The following FLG variants were observed in gnomAD, a reference collection of about 807,000 sequenced individuals.
FLG encodes the protein epidermal filaggrin.
FLG carries 6 observed loss-of-function variants against 3.8 expected under a neutral mutation model. The observed-to-expected ratio is 1.60, with a 90% CI of 0.87 to 3.15. The LOEUF is 3.15. Ranked by LOEUF, FLG falls within the 30% of genes most tolerant of loss-of-function variation. FLG has a pLI of 0.00. For missense variants in FLG, 7,595 were observed against 5,050.9 expected, an observed-to-expected ratio of 1.50 and a Z score of -15.27; for synonymous variants, 2,551 against 1,931.6, an observed-to-expected ratio of 1.32 and a Z score of -8.41.
chr1:152,321,484 T>C (rs1302020809), intron 1 of FLG, among the ~76,000 whole-genome samples: 2 of 151,040 alleles, frequency 1.3e-5, no homozygotes, highest in African/African-American at 4.8e-5. Context: ...AAGGGGACAT[T>C]GCTATCGAGG....
intron 2 of FLG, chr1:152,314,969 T>C: frequency 1.8e-6 from 1 of 541,132 alleles, no homozygotes; most frequent in South Asian, 2.7e-5. Context: ...TAAGTGACTC[T>C]TTTTCTTATT....
At position 152,303,211 on chromosome 1, in the gene FLG, C is replaced by G. The variant is rs372348813; in HGVS notation, c.11675G>C (p.Arg3892Pro). 1 of 1,613,838 alleles carries G rather than the reference C, an allele frequency of 6.2e-7. No homozygotes were observed. Among genetic ancestry groups the G allele is most frequent in the East Asian group, 2.2e-5 (1 of 44,882 alleles). The change falls in exon 3 of 3, where the codon CGG becomes CCG. Residue 3892 changes from arginine to proline, a missense_variant. By Grantham distance (103) the Arg-to-Pro change is moderately radical. Coordinates refer to ENST00000368799, the MANE Select transcript of FLG (RefSeq NM_002016.2). ...SASRNHHGSS[R>P]EQSRDGSRHP... ...TCTGGAGCCATCTCTTGACTGCTCC[C>G]GAGAAGATCCATGATGGTTTCTGGA...
intron 2 of FLG, 192 bp from the exon 3 acceptor site, chr1:152,314,939 G>T (rs908634502): frequency 8.1e-6 from 5 of 618,864 alleles, no homozygotes; most frequent in Middle Eastern, 4.3e-4. Flanking sequence ...AGACTAGTAA[G>T]GTATCAAGAT....
Position 152,310,699 on chromosome 1 carries a change from G to C in FLG, c.4187C>G (p.Thr1396Ser), listed in dbSNP as rs565407815. The change falls in exon 3 of 3, where the codon ACT becomes AGT. Residue 1396 changes from threonine (T) to serine (S), a missense_variant. Transcript: ENST00000368799. ...GHRGSSGSQV[T>S]NSEGHSEDSD... is the part of the protein sequence containing the mutation. ...GTCTTCTGAATGTCCCTCACTGTTA[G>C]TGACCTGACTACCACTGGACCCTCG... The C allele has an allele frequency of 4.5e-5, 73 of 1,613,662 alleles. 4 individuals carry two copies. The Admixed American group carries it at 9.5e-4, about 21-fold the overall frequency.
rs763935368 is a variant in FLG, at chr1:152,312,500, G to C, written c.2386C>G (p.Gln796Glu). The C allele has an allele frequency of 5.0e-6, 8 of 1,613,352 alleles. No homozygotes were observed. The highest frequency in any genetic ancestry group is 1.7e-5 in the Admixed American group (1 of 59,984). ...TCAGACTGTTTATGAGTGCTCACCT[G>C]GTAGAGGAAAGACCCTGAACGTCGA... is the stretch of plus-strand genomic sequence containing the variant. ...RSRRSGSFLY[Q>E]VSTHKQSESS... The change falls in exon 3 of 3, where the codon CAG becomes GAG. Residue 796 changes from glutamine (Q) to glutamate (E), a missense_variant. Transcript: ENST00000368799.
chr1:152,304,348 G>A lies in FLG; in HGVS notation c.10538C>T (p.Ala3513Val), dbSNP rs143278829. 7.7e-5 allele frequency: 124 copies of A among 1,611,798 alleles called. 1 individual carries two copies. The highest frequency in any genetic ancestry group is 6.6e-4 in the Middle Eastern group (4 of 6,052). Residue 3513 changes from alanine (A) to valine (V), a missense_variant, in exon 3 of 3, where the codon GCG becomes GTG. Coordinates refer to ENST00000368799, the MANE Select transcript of FLG (RefSeq NM_002016.2). Reference sequence around the variant, plus strand: ...GGACTGTGAGTGTCTAGAGCTGTCCGCCTGAGTGGAAGCTTCATGGTGATG... The same window carrying A: ...GGACTGTGAGTGTCTAGAGCTGTCCACCTGAGTGGAAGCTTCATGGTGATG... ...WSHHHEASTQ[A>V]DSSRHSQSGQ...
rs1557869319 is a variant in FLG, at chr1:152,302,829, CGCACTT to C, written c.12051_12056del (p.Ser4018_Ala4019del). ...AATACCTTGGATGATCTTTACCAAA[CGCACTT>C]GCTTTACAGATATCAGATCTTTCCT... On this transcript the variant is annotated inframe_deletion, in exon 3 of 3. Coordinates refer to ENST00000368799, the MANE Select transcript of FLG (RefSeq NM_002016.2). The C allele has an allele frequency of 6.2e-7, 1 of 1,614,154 alleles. No homozygotes were observed. Among genetic ancestry groups the C allele is most frequent in the Non-Finnish European group, 8.5e-7 (1 of 1,180,006 alleles).
Position 152,308,992 on chromosome 1 carries a change from G to T in FLG, c.5894C>A (p.Ala1965Asp), listed in dbSNP as rs750145438. Reference protein sequence around the residue: ...RHPGSHHEDRAGHGHSADSSR... With the variant: ...RHPGSHHEDRDGHGHSADSSR... Reference sequence around the variant, plus strand: ...GCTGTCTGCAGAGTGCCCGTGACCGGCTCTGTCTTCGTGATGGGACCCAGG... The same window carrying T: ...GCTGTCTGCAGAGTGCCCGTGACCGTCTCTGTCTTCGTGATGGGACCCAGG... Residue 1965 changes from alanine (A) to aspartate (D), a missense_variant, in exon 3 of 3, where the codon GCC (alanine) becomes GAC (aspartate). By Grantham distance (126) the Ala-to-Asp change is moderately radical. Coordinates refer to ENST00000368799, the MANE Select transcript of FLG (RefSeq NM_002016.2). The T allele has an allele frequency of 1.9e-6, 3 of 1,614,146 alleles. No individual in the cohort carries two copies. The highest frequency in any genetic ancestry group is 1.7e-5 in the Admixed American group (1 of 60,026).
rs760904028 is a variant in FLG at position 152,309,410 on chromosome 1, C to A, written c.5476G>T (p.Gly1826Ter). The A allele has an allele frequency of 4.3e-6, 7 of 1,613,590 alleles. No homozygotes were observed. The highest frequency in any genetic ancestry group is 5.1e-6 in the Non-Finnish European group (6 of 1,179,980). ...TCTACCGATTGCTCATAGTGGGATCCCTGCCTTCCTCCTCTGCTTGACCCT... is the reference window on the plus strand; with the variant it reads ...TCTACCGATTGCTCATAGTGGGATCACTGCCTTCCTCCTCTGCTTGACCCT... ...HPGSSRGGRQ[G>*]SHYEQSVDSS... is the part of the protein sequence containing the mutation. Residue 1826 changes from glycine to a stop codon, truncating the protein, a stop_gained, in exon 3 of 3, where the codon GGA (glycine) becomes TGA (stop). Coordinates refer to ENST00000368799, the MANE Select transcript of FLG (RefSeq NM_002016.2). LOFTEE classifies it low-confidence loss of function (END_TRUNC).
chr1:152,304,080 A>G lies in FLG; in HGVS notation c.10806T>C (p.His3602=), dbSNP rs754069578. The G allele has an allele frequency of 1.7e-5, 27 of 1,611,710 alleles. No homozygotes were observed. Among genetic ancestry groups the G allele is most frequent in the Middle Eastern group, 1.6e-4 (1 of 6,080 alleles). ...CCTGTCCACCAGAGGAATTCTCTGC[A>G]TGATGAGTGCCTGATTGTCTGGAGC... ...AESSRQSGTH[H]AENSSGGQAA... Residue 3602 remains histidine (H), a synonymous_variant, in exon 3 of 3, where the codon CAT becomes CAC. Transcript: ENST00000368799.
chr1:152,312,191 C>T lies in FLG; in HGVS notation c.2695G>A (p.Glu899Lys), dbSNP rs752324081. The change falls in exon 3 of 3, where the codon GAG becomes AAG. Residue 899 changes from glutamate (E) to lysine (K), a missense_variant. By Grantham distance (56) the Glu-to-Lys change is moderately conservative. Coordinates refer to ENST00000368799, the MANE Select transcript of FLG (RefSeq NM_002016.2). ...CTGGAGCCGTCTCTTGATTGTTCCT[C>T]ATTACGTGTTGTTCTGCTTGCACTT... ...SRSASRTTRNEEQSRDGSRHS... is the reference protein window; with the variant it reads ...SRSASRTTRNKEQSRDGSRHS... The T allele has an allele frequency of 5.6e-6, 9 of 1,604,460 alleles. No individual in the cohort carries two copies. The Admixed American group carries it at 1.4e-4, about 24-fold the overall frequency.
Position 152,308,329 on chromosome 1 carries a change from G to T in FLG, c.6557C>A (p.Ser2186Tyr). 1 of 1,613,624 alleles carries T rather than the reference G, an allele frequency of 6.2e-7. No homozygotes were observed. Among genetic ancestry groups the T allele is most frequent in the Non-Finnish European group, 8.5e-7 (1 of 1,179,808 alleles). Residue 2186 changes from serine to tyrosine, a missense_variant, in exon 3 of 3, where the codon TCC becomes TAC. By Grantham distance (144) the Ser-to-Tyr change is moderately radical. Transcript: ENST00000368799. ...RSDASRGQSG[S>Y]RSASRKTYDK... ...ATATGTTTTTCTGCTTGCACTTCTGGATCCTGACTGCCCACGGGAGGCATC... is the reference window on the plus strand; with the variant it reads ...ATATGTTTTTCTGCTTGCACTTCTGTATCCTGACTGCCCACGGGAGGCATC...
At position 152,304,611 on chromosome 1, in the gene FLG, T is replaced by C; in HGVS notation, c.10275A>G (p.Ser3425=). The change falls in exon 3 of 3, where the codon TCA becomes TCG. Residue 3425 remains serine (S), a synonymous_variant. Coordinates refer to ENST00000368799, the MANE Select transcript of FLG (RefSeq NM_002016.2). ...HEQARDSSRH[S]ASQEGQDTIR... ...TGGTGTCCTGACCCTCTTGGGACGC[T>C]GAGTGCCTGGAGCTGTCTCGTGCCT... 1.2e-6 allele frequency: 2 copies of C among 1,610,884 alleles called. No individual in the cohort carries two copies. The highest frequency in any genetic ancestry group is 1.7e-6 in the Non-Finnish European group (2 of 1,178,372).
Position 152,303,377 on chromosome 1 carries a change from C to T in FLG, c.11509G>A (p.Ala3837Thr). 6.2e-7 allele frequency: 1 copy of T among 1,614,084 alleles called. No homozygotes were observed. Among genetic ancestry groups the T allele is most frequent in the South Asian group, 1.1e-5 (1 of 91,062 alleles). The change falls in exon 3 of 3, where the codon GCT (alanine) becomes ACT (threonine). Residue 3837 changes from alanine (A) to threonine (T), a missense_variant. Ala to Thr is a moderately conservative substitution (Grantham distance 58, BLOSUM62 0). Transcript: ENST00000368799. ...GACTGTGAGTGTCTAGAGCTGTCAG[C>T]CTGAGTGGAAGCTTCATGGTGACGC... ...GSRHHEASTQ[A>T]DSSRHSQSGQ...
rs1459356311 is a variant in FLG, at chr1:152,303,309, C to G, written c.11577G>C (p.Gln3859His). 2.5e-6 allele frequency: 4 copies of G among 1,614,092 alleles called. No homozygotes were observed. Among genetic ancestry groups the G allele is most frequent in the South Asian group, 1.1e-5 (1 of 91,056 alleles). Residue 3859 changes from glutamine to histidine, a missense_variant, in exon 3 of 3, where the codon CAG becomes CAC. Gln to His is a conservative substitution (Grantham distance 24). Coordinates refer to ENST00000368799, the MANE Select transcript of FLG (RefSeq NM_002016.2). ...ESAGSRRSRR[Q>H]GSSVSQDSDS... ...CACTGTCCTGGCTAACACTGGATCC[C>G]TGGCGCCTGCTTCTCCTGGACCCCG... is the stretch of plus-strand genomic sequence containing the variant.
rs79307205 is a variant in FLG at position 152,318,884 on chromosome 1, G to C, written c.-21-3407C>G. ...AGTGATATGTACATAACTAAAATAAGAGTGCTATTATACAGAATATTTGGG... is the reference window on the plus strand; with the variant it reads ...AGTGATATGTACATAACTAAAATAACAGTGCTATTATACAGAATATTTGGG... On this transcript the variant is annotated intron_variant, in intron 1 of 2. Coordinates refer to ENST00000368799, the MANE Select transcript of FLG (RefSeq NM_002016.2). Among the ~76,000 whole-genome samples the C allele has an allele frequency of 1.4e-3, 217 of 151,930 alleles. 7 individuals are homozygous for C. The East Asian group carries it at 0.029, about 20-fold the overall frequency.
chr1:152,324,616 A>G (rs371769119), intron 1 of FLG, among the ~76,000 whole-genome samples: 4 of 151,888 alleles, frequency 2.6e-5, no homozygotes, highest in African/African-American at 9.7e-5. Context: ...ACAGCTTTGA[A>G]TGTGGCCCAA....
chr1:152,308,776 C>A lies in FLG; in HGVS notation c.6110G>T (p.Arg2037Leu), dbSNP rs776386323. 9 of 1,614,030 alleles carry A rather than the reference C, an allele frequency of 5.6e-6. No homozygotes were observed. In the African/African-American group the frequency reaches 9.3e-5, roughly 17 times the overall value. Residue 2037 changes from arginine to leucine, a missense_variant, in exon 3 of 3, where the codon CGA becomes CTA. Transcript: ENST00000368799. ...ACTGGCCTGACTACCACTGTACCCT[C>A]GGTGTCCACTGTCTCTGACTGCAGA... Reference protein sequence around the residue: ...ASSAVRDSGHRGYSGSQASDS... With the variant: ...ASSAVRDSGHLGYSGSQASDS...
Position 152,312,093 on chromosome 1 carries a change from T to C in FLG, c.2793A>G (p.Gly931=), listed in dbSNP as rs769040627. Residue 931 remains glycine, a synonymous_variant, in exon 3 of 3, where the codon GGA becomes GGG. Coordinates refer to ENST00000368799, the MANE Select transcript of FLG (RefSeq NM_002016.2). ...TGCTTGTCCTGGACCCCTCTGATTGTCCCTGGCCTGCCTGTGAGTGTCTAG... is the reference window on the plus strand; with the variant it reads ...TGCTTGTCCTGGACCCCTCTGATTGCCCCTGGCCTGCCTGTGAGTGTCTAG... The part of the protein sequence containing the change: ...DISRHSQAGQ[G]QSEGSRTSRR... The C allele has an allele frequency of 6.2e-7, 1 of 1,614,044 alleles. No homozygotes were observed. Among genetic ancestry groups the C allele is most frequent in the African/African-American group, 1.3e-5 (1 of 75,010 alleles).
Sources: gnomAD v4.1 joint callset for allele counts (sites outside exome capture counted in the v4.1 genomes callset) on GRCh38, gnomAD v4.1.1 for gene constraint, MANE v1.5 for transcripts, NCBI Gene and HGNC (gene_info 2026-07-23, HGNC 2026-07-21) for gene names.